Variants in SMC6 observed in about 807,000 individuals in gnomAD.
SMC6 encodes structural maintenance of chromosomes 6, also known as structural maintenance of chromosomes protein 6.
A neutral mutation model predicts 142.2 loss-of-function variants in SMC6; 79 were observed. The observed-to-expected ratio is 0.56, with a 90% CI of 0.46 to 0.67. SMC6 has a LOEUF of 0.67. Among genes scored for constraint, SMC6 ranks in the 30% least tolerant of loss-of-function variants. The pLI is 0.00. For synonymous variants in SMC6, 411 were observed against 412.4 expected, an observed-to-expected ratio of 1.00 and a Z score of 0.04; for missense variants, 1,072 against 1,284.0, an observed-to-expected ratio of 0.83 and a Z score of 2.52.
intron 22 of SMC6, 127 bp from the exon 23 acceptor site, chr2:17,695,424 T>G (rs969499270): frequency 3.2e-5 from 22 of 689,748 alleles, no homozygotes; most frequent in Non-Finnish European, 4.6e-5. Flanking sequence ...TAATTACATT[T>G]AATATCAATG....
Position 17,718,176 on chromosome 2 carries a change from T to G in SMC6, c.993A>C (p.Lys331Asn), listed in dbSNP as rs780624966. ...TTGTCTCTTCACTAATCTTTTCTAG[T>G]TTGTCTTGAATATCCTTGTACTTTT... ...AEQKYKDIQDKLEKISEETNA... is the reference protein window; with the variant it reads ...AEQKYKDIQDNLEKISEETNA... The change falls in exon 12 of 28, where the codon AAA becomes AAC. Residue 331 changes from lysine to asparagine, a missense_variant. Transcript: ENST00000448223. 1.1e-4 allele frequency: 176 copies of G among 1,610,220 alleles called. No individual in the cohort carries two copies. The highest frequency in any genetic ancestry group is 1.4e-4 in the Non-Finnish European group (166 of 1,177,776).
chr2:17,752,789 C>A (rs1420845681), intron 2 of SMC6, among the ~76,000 whole-genome samples, 189 bp downstream of exon 2: 1 of 152,194 alleles, frequency 6.6e-6, no homozygotes, highest in African/African-American at 2.4e-5. Context: ...CACACTGCAA[C>A]CATATAAAAG....
chr2:17,745,828 A>T lies in SMC6; in HGVS notation c.119T>A (p.Leu40Ter). Reference sequence around the variant, plus strand: ...ATAATTTTGTAATTTTTCGCTTACCAAAGTAGTACCTTTACATTCGTCTTC... The same window carrying T: ...ATAATTTTGTAATTTTTCGCTTACCTAAGTAGTACCTTTACATTCGTCTTC... ...GDEDECKGTT[L>*]TAAEVGIIES... Residue 40 changes from leucine to a stop codon, truncating the protein, a stop_gained and splice_region_variant, in exon 3 of 28, where the codon TTG becomes TAG. Coordinates refer to ENST00000448223, the MANE Select transcript of SMC6 (RefSeq NM_001142286.2). LOFTEE classifies it high-confidence loss of function. 6.2e-7 allele frequency: 1 copy of T among 1,604,008 alleles called. No individual in the cohort carries two copies. Among genetic ancestry groups the T allele is most frequent in the Non-Finnish European group, 8.5e-7 (1 of 1,176,426 alleles).
At chr2:17,678,838 G>T in intron 25 of SMC6, 21 bp downstream of exon 25, 1 of 1,495,790 alleles carries the variant, frequency 6.7e-7, no homozygotes, top group Non-Finnish European at 9.2e-7. Flanking sequence ...TGATTAGGAT[G>T]AAAAGAATTA....
rs1381417243 is a variant in SMC6, at chr2:17,698,699, G to GT, written c.2394+1508dup. Reference sequence around the variant, plus strand: ...ATCTGTCTTTTGTTTATTTAGACAAGTAAGTCTAAATTTAAGTCTGTCATT... The same window carrying GT: ...ATCTGTCTTTTGTTTATTTAGACAAGTTAAGTCTAAATTTAAGTCTGTCATT... On this transcript the variant is annotated intron_variant, in intron 21 of 27. Transcript: ENST00000448223. 6.6e-5 allele frequency among the ~76,000 whole-genome samples: 10 copies of GT among 152,022 alleles called. No individual in the cohort carries two copies. In the East Asian group the frequency reaches 1.9e-3, roughly 29 times the overall value.
At position 17,678,728 on chromosome 2, in the gene SMC6, A is replaced by G. The variant is rs566968017; in HGVS notation, c.2910+131T>C. 20 of 633,926 alleles carry G rather than the reference A, an allele frequency of 3.2e-5. 1 individual carries two copies. In the South Asian group the frequency reaches 4.3e-4, roughly 14 times the overall value. 39.3% of individuals were successfully genotyped at this position (633,926 alleles called of 1,614,324 possible). A position where few individuals can be genotyped will look rare whatever the true frequency, so the allele number is the denominator to read the frequency against. On this transcript the variant is annotated intron_variant, in intron 25 of 27. Coordinates refer to ENST00000448223, the MANE Select transcript of SMC6 (RefSeq NM_001142286.2). ...GAGTTCAAGGTTACAGTGAGCTATGATTGTACCACTGCACTCCAGCCTGGG... is the reference window on the plus strand; with the variant it reads ...GAGTTCAAGGTTACAGTGAGCTATGGTTGTACCACTGCACTCCAGCCTGGG...
intron 9 of SMC6, among the ~76,000 whole-genome samples, chr2:17,723,699 C>T (rs1669484388): frequency 6.6e-6 from 1 of 152,138 alleles, no homozygotes; most frequent in African/African-American, 2.4e-5. Flanking sequence ...AAATTATTTA[C>T]CATCTATGTT....
At chr2:17,717,542 G>A (rs557966537) in intron 12 of SMC6, among the ~76,000 whole-genome samples, 4 of 152,224 alleles carry the variant, frequency 2.6e-5, no homozygotes, top group South Asian at 4.1e-4. Context: ...GTGGTGGCAC[G>A]CCCCTATAGT....
chr2:17,682,638 G>A (rs1431254103), intron 24 of SMC6, among the ~76,000 whole-genome samples: 7 of 152,124 alleles, frequency 4.6e-5, no homozygotes, highest in African/African-American at 1.4e-4. Context: ...TTATTGGCCA[G>A]AGTGAAAACC....
chr2:17,734,917 A>G (rs1332685341), intron 5 of SMC6, among the ~76,000 whole-genome samples: 1 of 152,104 alleles, frequency 6.6e-6, no homozygotes. Context: ...TTTTTAGTAG[A>G]GACGGGGTTT....
intron 2 of SMC6, among the ~76,000 whole-genome samples, chr2:17,751,488 A>G (rs1338862677): frequency 2.6e-5 from 4 of 151,212 alleles, no homozygotes; most frequent in African/African-American, 7.3e-5. Flanking sequence ...AAAAAAGAGG[A>G]AAAAAAAGAA....
intron 16 of SMC6, among the ~76,000 whole-genome samples, chr2:17,710,445 C>T (rs1668772223): frequency 6.6e-6 from 1 of 152,092 alleles, no homozygotes; most frequent in Admixed American, 6.6e-5. Flanking sequence ...AGGCAACCTA[C>T]AAACACAGTT....
rs1667090876 is a variant in SMC6 at position 17,678,366 on chromosome 2, TA to T, written c.2910+492del. 3.9e-5 allele frequency among the ~76,000 whole-genome samples: 6 copies of T among 152,312 alleles called. No individual in the cohort carries two copies. The South Asian group carries it at 1.2e-3, about 32-fold the overall frequency. On this transcript the variant is annotated intron_variant, in intron 25 of 27. Coordinates refer to ENST00000448223, the MANE Select transcript of SMC6 (RefSeq NM_001142286.2). Reference sequence around the variant, plus strand: ...GTTTGTCTAAAAATAAAATCTACGCTAGCAGCTTTATTTAGTAAGATCGATT... The same window carrying T: ...GTTTGTCTAAAAATAAAATCTACGCTGCAGCTTTATTTAGTAAGATCGATT...
intron 7 of SMC6, among the ~76,000 whole-genome samples, chr2:17,728,223 T>C (rs1423944869): frequency 6.6e-6 from 1 of 151,812 alleles, no homozygotes; most frequent in Non-Finnish European, 1.5e-5. Context: ...ACTGCTTGAG[T>C]CCAGGAGTTC....
chr2:17,739,879 AACACAC>A (rs60784309), intron 4 of SMC6, among the ~76,000 whole-genome samples: 10,215 of 115,368 alleles, frequency 0.089, 557 homozygotes, highest in African/African-American at 0.18. Flanking sequence ...GAATATGGTA[AACACAC>A]ACACACACAC....
At chr2:17,752,061 G>T (rs1671068438) in intron 2 of SMC6, among the ~76,000 whole-genome samples, 1 of 152,174 alleles carries the variant, frequency 6.6e-6, no homozygotes, top group Non-Finnish European at 1.5e-5. Flanking sequence ...ATTGCAGACA[G>T]ATGTCGATAT....
chr2:17,691,730 G>A (rs1667740842), intron 23 of SMC6, among the ~76,000 whole-genome samples: 1 of 152,062 alleles, frequency 6.6e-6, no homozygotes. Context: ...TCAGGCAGGA[G>A]AAGGAAATAA....
rs1667326624 is a variant in SMC6 at position 17,683,643 on chromosome 2, A to G, written c.2799T>C (p.Phe933=). The change falls in exon 24 of 28, where the codon TTT becomes TTC. Residue 933 remains phenylalanine (F), a synonymous_variant. Coordinates refer to ENST00000448223, the MANE Select transcript of SMC6 (RefSeq NM_001142286.2). ...ACATTTTTCAATGTACTTACCTTCT[A>G]AATTGTTGATATGTCTTGAATCTGT... ...MEHRFKTYQQ[F]RRCLTLRCKL... The G allele has an allele frequency of 3.7e-6, 6 of 1,608,652 alleles. No individual in the cohort carries two copies. The highest frequency in any genetic ancestry group is 1.7e-5 in the Admixed American group (1 of 59,138).
At chr2:17,746,122 A>G (rs1670734033) in intron 2 of SMC6, 171 bp from the exon 3 acceptor site, 5 of 612,792 alleles carry the variant, frequency 8.2e-6, no homozygotes, top group Non-Finnish European at 9.9e-6. Context: ...GAGGGACATG[A>G]GTCAAAAAAT....
Sources: gnomAD v4.1 joint callset for allele counts (sites outside exome capture counted in the v4.1 genomes callset) on GRCh38, gnomAD v4.1.1 for gene constraint, MANE v1.5 for transcripts, NCBI Gene and HGNC (gene_info 2026-07-23, HGNC 2026-07-21) for gene names.